SASH1: variants seen among roughly 807,000 people sequenced by gnomAD.
The protein encoded by SASH1 is SAM and SH3 domain containing 1.
SASH1 carries 44 observed loss-of-function variants against 125.2 expected under a neutral mutation model. The ratio of observed to expected loss-of-function variants is 0.35; its 90% CI spans 0.28 to 0.45. The LOEUF (loss-of-function observed/expected upper bound fraction) is 0.45, where lower values mean the gene tolerates loss of function less well. Among genes scored for constraint, SASH1 ranks in the 20% least tolerant of loss-of-function variants. The probability of loss-of-function intolerance (pLI) is 1.00; values close to 1 mark genes in which losing one functional copy is unlikely to be tolerated. For synonymous variants in SASH1, 639 were observed against 649.1 expected (o/e 0.98, Z 0.24); for missense variants, 1,426 against 1,614.5 (o/e 0.88, Z 2.00).
At chr6:148,322,256 G>T (rs1165171091) in intron 1 of SASH1, among the ~76,000 whole-genome samples, 1 of 152,096 alleles carries the variant, frequency 6.6e-6, no homozygotes, top group East Asian at 1.9e-4. Flanking sequence ...GAGGCTGAGG[G>T]CATGAGAATC....
chr6:148,349,241 CTTCTTTCTTTCTTTTTTTTTTTT>C (rs1414674927), intron 1 of SASH1, among the ~76,000 whole-genome samples: 130 of 87,124 alleles, frequency 1.5e-3, no homozygotes, highest in Middle Eastern at 0.013. Context: ...TTCATTCTTT[CTTCTTTCTTTCTTTTTTTTTTTT>C]TTTTTTTTTT....
chr6:148,522,485 T>A (rs548881234), intron 10 of SASH1, among the ~76,000 whole-genome samples: 1 of 152,348 alleles, frequency 6.6e-6, no homozygotes, highest in East Asian at 1.9e-4. Flanking sequence ...CTTTCGAAAA[T>A]GCCATATTTG....
At chr6:148,485,180 A>G (rs562870283) in intron 7 of SASH1, among the ~76,000 whole-genome samples, 3 of 152,314 alleles carry the variant, frequency 2.0e-5, no homozygotes, top group Non-Finnish European at 2.9e-5. Flanking sequence ...GGATATAAAC[A>G]TGGACTAGAG....
chr6:148,367,750 C>T (rs1782530293), intron 1 of SASH1, among the ~76,000 whole-genome samples: 1 of 152,228 alleles, frequency 6.6e-6, no homozygotes, highest in African/African-American at 2.4e-5. Context: ...CTGCCCCCAT[C>T]CCCCTGGCTC....
chr6:148,450,310 C>G (rs1262164457), intron 4 of SASH1, among the ~76,000 whole-genome samples: 1 of 152,138 alleles, frequency 6.6e-6, no homozygotes, highest in Non-Finnish European at 1.5e-5. Flanking sequence ...ATCAGTGGCC[C>G]CTACATATAT....
intron 1 of SASH1, among the ~76,000 whole-genome samples, chr6:148,302,790 G>A (rs1046673582): frequency 2.7e-5 from 4 of 147,092 alleles, no homozygotes; most frequent in Non-Finnish European, 6.0e-5. Context: ...ATATGTGTGT[G>A]TGTATATATT....
chr6:148,455,415 C>T lies in SASH1; in HGVS notation c.387-13130C>T, dbSNP rs116445731. On this transcript the variant is annotated intron_variant, in intron 4 of 19. Transcript: ENST00000367467. ...GTGGGTAGAGGTCATTTCATCGTCA[C>T]GGTGACCTTGGAAAGCTTCCCGGTG... is the stretch of plus-strand genomic sequence containing the variant. Among the ~76,000 whole-genome samples, 759 of 152,272 alleles carry T rather than the reference C, an allele frequency of 5.0e-3. 5 individuals are homozygous for T. The highest frequency in any genetic ancestry group is 0.017 in the African/African-American group (701 of 41,558).
At chr6:148,258,093 T>A in the SASH1 span, among the ~76,000 whole-genome samples, 1 of 152,196 alleles carries the variant, frequency 6.6e-6, no homozygotes, top group Non-Finnish European at 1.5e-5. Context: ...CTTTCCCTTT[T>A]TTTTTTAAGA....
At chr6:148,307,322 T>C (rs3935855) in intron 1 of SASH1, among the ~76,000 whole-genome samples, 42,216 of 151,508 alleles carry the variant, frequency 0.28, 6,075 homozygotes, top group South Asian at 0.35. Context: ...TTCGCCATGT[T>C]GGTCAGGCTG....
chr6:148,279,289 C>G (rs1157289300), intron 1 of SASH1, among the ~76,000 whole-genome samples: 1 of 152,142 alleles, frequency 6.6e-6, no homozygotes, highest in African/African-American at 2.4e-5. Flanking sequence ...CCGCACCCAG[C>G]CAAGCAAATG....
chr6:148,413,353 G>C (rs953786980), intron 2 of SASH1, among the ~76,000 whole-genome samples: 1 of 152,094 alleles, frequency 6.6e-6, no homozygotes, highest in African/African-American at 2.4e-5. Flanking sequence ...ATGAGGAAAC[G>C]AACAGAAGAA....
Position 148,440,813 on chromosome 6 carries a change from G to A in SASH1, c.386+406G>A, listed in dbSNP as rs116525268. ...AGAATAAACCAATGATTAAAAACCCGTCTTCTGCACCTCATTTTGGTAGGT... is the reference window on the plus strand; with the variant it reads ...AGAATAAACCAATGATTAAAAACCCATCTTCTGCACCTCATTTTGGTAGGT... On this transcript the variant is annotated intron_variant, in intron 4 of 19. Transcript: ENST00000367467. The A allele has an allele frequency of 4.8e-3, 817 of 169,582 alleles. 7 individuals are homozygous for A. Among genetic ancestry groups the A allele is most frequent in the African/African-American group, 0.018 (761 of 41,854 alleles). 10.5% of individuals were successfully genotyped at this position (169,582 alleles called of 1,614,324 possible).
chr6:148,421,173 G>GAAAGAAAGAAAGAAAGAAAA (rs1562396538), intron 2 of SASH1, among the ~76,000 whole-genome samples: 41 of 139,432 alleles, frequency 2.9e-4, no homozygotes, highest in African/African-American at 1.0e-3. Context: ...AAGAAAGAAA[G>GAAAGAAAGAAAGAAAGAAAA]AAAGAAAGAA....
intron 19 of SASH1, among the ~76,000 whole-genome samples, 167 bp from the exon 20 acceptor site, chr6:148,548,128 A>G (rs1298402820): frequency 6.6e-6 from 1 of 152,180 alleles, no homozygotes; most frequent in African/African-American, 2.4e-5. Flanking sequence ...TTCATCTTAG[A>G]GAAGAATTTT....
chr6:148,201,974 G>A, the SASH1 span, among the ~76,000 whole-genome samples: 1 of 152,032 alleles, frequency 6.6e-6, no homozygotes. Flanking sequence ...GAATGCTATT[G>A]AAGGTGTATA....
At chr6:148,412,709 A>G (rs1374671136) in intron 2 of SASH1, among the ~76,000 whole-genome samples, 2 of 152,140 alleles carry the variant, frequency 1.3e-5, no homozygotes, top group Non-Finnish European at 2.9e-5. Flanking sequence ...CAAGTTCTTC[A>G]TGAGGGATCC....
chr6:148,455,839 G>T (rs73585674), intron 4 of SASH1, among the ~76,000 whole-genome samples: 3 of 152,168 alleles, frequency 2.0e-5, no homozygotes, highest in Non-Finnish European at 4.4e-5. Flanking sequence ...CACAGCCATG[G>T]TCTGGAGGGG....
chr6:148,351,241 G>C (rs564739247), intron 1 of SASH1, among the ~76,000 whole-genome samples: 1 of 138,158 alleles, frequency 7.2e-6, no homozygotes, highest in Non-Finnish European at 1.5e-5. Context: ...TGGCTTTCAA[G>C]ATGATTGGTG....
intron 1 of SASH1, among the ~76,000 whole-genome samples, chr6:148,346,402 T>G (rs1163752226): frequency 6.6e-6 from 1 of 151,158 alleles, no homozygotes; most frequent in Non-Finnish European, 1.5e-5. Context: ...ATTTACGGCA[T>G]GAAAATGTTT....
Sources: allele counts gnomAD v4.1 joint callset (sites outside exome capture counted in the v4.1 genomes callset), GRCh38; gene constraint gnomAD v4.1.1; transcripts MANE v1.5; gene names NCBI Gene and HGNC (gene_info 2026-07-23, HGNC 2026-07-21).